HPR: variants seen among roughly 807,000 people sequenced by gnomAD.
HPR encodes the protein Haptoglobin-related locus.
Under a neutral mutation model 18.5 loss-of-function variants are expected in HPR, and 17 were observed. The observed-to-expected ratio is 0.92, with a 90% CI of 0.63 to 1.38. HPR has a LOEUF of 1.38. Among genes scored for constraint, HPR ranks in the 40% most tolerant of loss-of-function variants. HPR has a pLI of 0.00. For missense variants in HPR, 457 were observed against 432.4 expected, an observed-to-expected ratio of 1.06 and a Z score of -0.51; for synonymous variants, 176 against 165.0, an observed-to-expected ratio of 1.07 and a Z score of -0.51.
At chr16:72,076,131 A>AACAG (rs2041719723) in intron 4 of HPR, among the ~76,000 whole-genome samples, 172 bp from the exon 5 acceptor site, 2 of 152,216 alleles carry the variant, frequency 1.3e-5, no homozygotes, top group South Asian at 2.1e-4. Context: ...ACAATTAAAA[A>AACAG]AATTATTTTA....
chr16:72,071,385 T>C (rs1281421813), intron 1 of HPR, among the ~76,000 whole-genome samples: 1 of 152,220 alleles, frequency 6.6e-6, no homozygotes, highest in East Asian at 1.9e-4. Flanking sequence ...GATTGTCCCC[T>C]TTCCACTCAG....
chr16:72,073,920 C>T lies in HPR; in HGVS notation c.34C>T (p.Leu12Phe), dbSNP rs770817756. Reference protein sequence around the residue: ...SDLGAVISLLLWGRQLFALYS... With the variant: ...SDLGAVISLLFWGRQLFALYS... ...CCTGGGAGCTGTCATTTCCCTCCTG[C>T]TCTGGGGACGACAGCTTTTTGCACT... Residue 12 changes from leucine (L) to phenylalanine (F), a missense_variant, in exon 2 of 5, where the codon CTC becomes TTC. Physicochemically the swap from Leu to Phe is conservative, Grantham distance 22 (BLOSUM62 0). Coordinates refer to ENST00000540303, the MANE Select transcript of HPR (RefSeq NM_020995.4). 2 of 1,614,056 alleles carry T rather than the reference C, an allele frequency of 1.2e-6. No homozygotes were observed. Among genetic ancestry groups the T allele is most frequent in the South Asian group, 2.2e-5 (2 of 91,074 alleles).
chr16:72,073,061 A>G (rs1259110315), intron 1 of HPR, among the ~76,000 whole-genome samples: 1 of 152,146 alleles, frequency 6.6e-6, no homozygotes, highest in Non-Finnish European at 1.5e-5. Flanking sequence ...CTCCCATCAC[A>G]ATGGCTTCTC....
At chr16:72,073,694 A>T (rs1334890314) in intron 1 of HPR, 198 bp from the exon 2 acceptor site, 3 of 1,480,028 alleles carry the variant, frequency 2.0e-6, no homozygotes, top group Non-Finnish European at 2.7e-6. Flanking sequence ...TGTGGGGCGG[A>T]GGGTGGGGGC....
chr16:72,074,130 C>A (rs1037547192), intron 2 of HPR, among the ~76,000 whole-genome samples, 153 bp downstream of exon 2: 2 of 152,082 alleles, frequency 1.3e-5, no homozygotes, highest in African/African-American at 4.8e-5. Flanking sequence ...CATTGGGGAT[C>A]CTGCCAGAAA....
Position 72,076,284 on chromosome 16 carries a change from G to A in HPR, c.269-19G>A. ...CTCTTGCACATTTCCACTCACGAGT[G>A]TCTTGCTCTCCTTGACAGTATGTGG... is the stretch of plus-strand genomic sequence containing the variant. On this transcript the variant is annotated intron_variant, in intron 4 of 4. Transcript: ENST00000540303. 2 of 1,609,576 alleles carry A rather than the reference G, an allele frequency of 1.2e-6. No individual in the cohort carries two copies. The highest frequency in any genetic ancestry group is 1.7e-5 in the Admixed American group (1 of 59,708).
chr16:72,071,361 A>T (rs1179609095), intron 1 of HPR, among the ~76,000 whole-genome samples: 18 of 152,220 alleles, frequency 1.2e-4, no homozygotes, highest in Admixed American at 1.2e-3. Flanking sequence ...TGCTCACGGT[A>T]GACCAGAGGC....
At chr16:72,075,044 T>C in intron 3 of HPR, 101 bp from the exon 4 acceptor site, 1 of 960,840 alleles carries the variant, frequency 1.0e-6, no homozygotes, top group Non-Finnish European at 1.7e-6. Context: ...CTGCCTCCTT[T>C]CTTCTTCTTC....
intron 1 of HPR, among the ~76,000 whole-genome samples, chr16:72,067,891 A>T (rs1273548078): frequency 1.3e-5 from 2 of 152,182 alleles, no homozygotes; most frequent in Non-Finnish European, 2.9e-5. Context: ...TCTCAGCAAA[A>T]TTCCATATAA....
intron 1 of HPR, among the ~76,000 whole-genome samples, chr16:72,072,387 A>G (rs1196779276): frequency 6.6e-6 from 1 of 152,198 alleles, no homozygotes; most frequent in African/African-American, 2.4e-5. Flanking sequence ...TGGCCTGGGA[A>G]AATAAAATAG....
rs1211955082 is a variant in HPR, at chr16:72,076,350, G to C, written c.316G>C (p.Gly106Arg). The C allele has an allele frequency of 3.1e-6, 5 of 1,613,816 alleles. No homozygotes were observed. Among genetic ancestry groups the C allele is most frequent in the Non-Finnish European group, 8.5e-7 (1 of 1,179,928 alleles). Residue 106 changes from glycine to arginine, a missense_variant, in exon 5 of 5, where the codon GGT becomes CGT. Coordinates refer to ENST00000540303, the MANE Select transcript of HPR (RefSeq NM_020995.4). ...GGCAAACCCAGTGCAGCGGATCCTG[G>C]GTGGACACCTGGATGCCAAAGGCAG... ...NPANPVQRIL[G>R]GHLDAKGSFP...
intron 1 of HPR, among the ~76,000 whole-genome samples, chr16:72,071,581 A>T (rs1292527960): frequency 2.6e-5 from 4 of 152,180 alleles, no homozygotes; most frequent in African/African-American, 9.6e-5. Context: ...GTCTCTCACA[A>T]CAGGGAGAAA....
intron 1 of HPR, among the ~76,000 whole-genome samples, chr16:72,068,101 A>T (rs576271902): frequency 1.5e-4 from 23 of 152,284 alleles, no homozygotes; most frequent in East Asian, 3.9e-4. Flanking sequence ...GTGCTAGACA[A>T]AGTTTCTGTT....
intron 1 of HPR, among the ~76,000 whole-genome samples, chr16:72,072,012 T>A (rs2041661956): frequency 6.6e-6 from 1 of 150,886 alleles, no homozygotes; most frequent in Admixed American, 6.6e-5. Flanking sequence ...CAACCAATGA[T>A]GATTTTTTTT....
At chr16:72,070,800 A>T (rs1392662172) in intron 1 of HPR, among the ~76,000 whole-genome samples, 1 of 152,202 alleles carries the variant, frequency 6.6e-6, no homozygotes, top group African/African-American at 2.4e-5. Context: ...AAGTCAACCA[A>T]GTATAAGTAT....
At chr16:72,064,935 C>T (rs755487419) in intron 1 of HPR, among the ~76,000 whole-genome samples, 11 of 152,118 alleles carry the variant, frequency 7.2e-5, no homozygotes, top group African/African-American at 1.7e-4. Flanking sequence ...CTCTCAACAA[C>T]GTGGGGAGAA....
intron 1 of HPR, among the ~76,000 whole-genome samples, chr16:72,069,308 A>T (rs1420326386): frequency 6.6e-6 from 1 of 152,186 alleles, no homozygotes; most frequent in African/African-American, 2.4e-5. Context: ...AGTTGCCAGA[A>T]GAAATAGCTA....
intron 4 of HPR, among the ~76,000 whole-genome samples, chr16:72,075,970 T>C (rs2041717501): frequency 6.6e-6 from 1 of 152,084 alleles, no homozygotes; most frequent in Non-Finnish European, 1.5e-5. Context: ...CCACCGCATC[T>C]GGCCCCTAGC....
At chr16:72,068,240 G>C (rs1036273210) in intron 1 of HPR, among the ~76,000 whole-genome samples, 6 of 152,148 alleles carry the variant, frequency 3.9e-5, no homozygotes, top group African/African-American at 1.4e-4. Context: ...GGGTCTCAAA[G>C]GGAAAGCTTC....
Sources: gnomAD v4.1 joint callset for allele counts (sites outside exome capture counted in the v4.1 genomes callset) on GRCh38, gnomAD v4.1.1 for gene constraint, MANE v1.5 for transcripts, NCBI Gene and HGNC (gene_info 2026-07-23, HGNC 2026-07-21) for gene names.